The following FHIT variants were observed in gnomAD, a reference collection of about 807,000 sequenced individuals.
FHIT encodes the protein bis(5'-adenosyl)-triphosphatase.
In FHIT, 19 loss-of-function variants were observed where a neutral mutation model predicts 17.9. The observed-to-expected ratio is 1.06, with a 90% CI of 0.74 to 1.56. The LOEUF is 1.56. FHIT is among the 40% of genes most tolerant of loss of function. The probability of loss-of-function intolerance (pLI) is 0.00; values close to 1 mark genes in which losing one functional copy is unlikely to be tolerated. For missense variants in FHIT, 248 were observed against 189.2 expected (o/e 1.31, Z -1.82); for synonymous variants, 81 against 69.7 (o/e 1.16, Z -0.81).
intron 8 of FHIT, among the ~76,000 whole-genome samples, chr3:59,818,097 T>C (rs1231707434): frequency 8.0e-6 from 1 of 125,254 alleles, no homozygotes; most frequent in East Asian, 2.2e-4. Context: ...TAAGAGCTTA[T>C]AGGAATTCTA....
chr3:59,994,623 A>C (rs534318080), intron 7 of FHIT, among the ~76,000 whole-genome samples: 8 of 152,206 alleles, frequency 5.3e-5, no homozygotes, highest in African/African-American at 1.7e-4. Flanking sequence ...CCACACATTC[A>C]AAACAAATCC....
intron 2 of FHIT, among the ~76,000 whole-genome samples, chr3:61,172,714 G>A (rs1357346649): frequency 1.4e-5 from 2 of 139,742 alleles, no homozygotes; most frequent in East Asian, 4.1e-4. Context: ...CTGAGAAGTT[G>A]TGTCTAAAAT....
At chr3:60,310,524 C>G (rs1455257070) in intron 5 of FHIT, among the ~76,000 whole-genome samples, 1 of 151,670 alleles carries the variant, frequency 6.6e-6, no homozygotes, top group South Asian at 2.1e-4. Flanking sequence ...AGGAACAGAC[C>G]AAAAAGGCAC....
At chr3:60,032,564 G>T (rs567655385) in intron 5 of FHIT, among the ~76,000 whole-genome samples, 5 of 152,288 alleles carry the variant, frequency 3.3e-5, no homozygotes, top group South Asian at 4.1e-4. Context: ...TCCTGCTTTG[G>T]ATGAAAGTGT....
At chr3:60,920,615 A>C (rs185657848) in intron 3 of FHIT, among the ~76,000 whole-genome samples, 21 of 152,284 alleles carry the variant, frequency 1.4e-4, no homozygotes, top group Admixed American at 1.1e-3. Flanking sequence ...GAAACCCAAC[A>C]TGCCAAGGAC....
chr3:60,036,273 C>G (rs75835065), intron 5 of FHIT, among the ~76,000 whole-genome samples: 2,224 of 152,264 alleles, frequency 0.015, 27 homozygotes, highest in Non-Finnish European at 0.022. Context: ...TAGATTCCAC[C>G]TCCTCCTAAA....
chr3:60,949,336 T>G (rs1200589839), intron 3 of FHIT, among the ~76,000 whole-genome samples: 1 of 152,170 alleles, frequency 6.6e-6, no homozygotes, highest in Admixed American at 6.5e-5. Context: ...CTTTCAACCT[T>G]GCTATGCCTG....
intron 8 of FHIT, among the ~76,000 whole-genome samples, chr3:59,762,684 C>A (rs1701583039): frequency 6.6e-6 from 1 of 152,178 alleles, no homozygotes; most frequent in Non-Finnish European, 1.5e-5. Context: ...ACTAACACTG[C>A]AAATAGGGAT....
intron 4 of FHIT, among the ~76,000 whole-genome samples, chr3:60,656,846 G>A (rs189342044): frequency 6.6e-6 from 1 of 152,236 alleles, no homozygotes; most frequent in East Asian, 1.9e-4. Context: ...TTTGCACATT[G>A]ACAAAAATAA....
chr3:60,293,491 C>T (rs1053654676), intron 5 of FHIT, among the ~76,000 whole-genome samples: 1 of 152,154 alleles, frequency 6.6e-6, no homozygotes, highest in South Asian at 2.1e-4. Flanking sequence ...TCTCTGCCAG[C>T]AAACAACGTT....
intron 4 of FHIT, among the ~76,000 whole-genome samples, chr3:60,778,175 A>G (rs1274207303): frequency 2.0e-5 from 3 of 152,224 alleles, no homozygotes; most frequent in African/African-American, 7.2e-5. Context: ...ATGTCTGAGT[A>G]TATGCTATCA....
At chr3:60,677,190 C>T (rs191104271) in intron 4 of FHIT, among the ~76,000 whole-genome samples, 7 of 152,118 alleles carry the variant, frequency 4.6e-5, no homozygotes, top group Admixed American at 1.3e-4. Context: ...TTTTTAATTA[C>T]GTAAATTAAA....
At chr3:60,574,124 C>G (rs1391394705) in intron 4 of FHIT, among the ~76,000 whole-genome samples, 6 of 152,110 alleles carry the variant, frequency 3.9e-5, no homozygotes, top group Non-Finnish European at 8.8e-5. Flanking sequence ...TTATGTACTT[C>G]TGACTATTGT....
chr3:59,958,616 G>A (rs975702188), intron 7 of FHIT, among the ~76,000 whole-genome samples: 3 of 152,170 alleles, frequency 2.0e-5, no homozygotes, highest in Non-Finnish European at 4.4e-5. Context: ...CTACCTAGAG[G>A]GTTGTATTAA....
chr3:59,872,025 T>G (rs1702949063), intron 8 of FHIT, among the ~76,000 whole-genome samples: 1 of 152,188 alleles, frequency 6.6e-6, no homozygotes, highest in Admixed American at 6.5e-5. Context: ...TATCTCAGAT[T>G]AAACTCTCCA....
chr3:59,826,422 T>C (rs1028401368), intron 8 of FHIT, among the ~76,000 whole-genome samples: 8 of 152,242 alleles, frequency 5.3e-5, no homozygotes, highest in Admixed American at 5.2e-4. Flanking sequence ...CCTAGCCTAA[T>C]ATATATTGTA....
At chr3:60,331,563 C>T (rs1037445760) in intron 5 of FHIT, among the ~76,000 whole-genome samples, 16 of 152,116 alleles carry the variant, frequency 1.1e-4, no homozygotes, top group African/African-American at 3.1e-4. Flanking sequence ...GAAATATACT[C>T]GGTCCGGGTA....
At chr3:60,781,950 C>T (rs1456888508) in intron 4 of FHIT, among the ~76,000 whole-genome samples, 1 of 152,086 alleles carries the variant, frequency 6.6e-6, no homozygotes, top group African/African-American at 2.4e-5. Context: ...ATAGCCATCA[C>T]CTCAAATACC....
intron 3 of FHIT, among the ~76,000 whole-genome samples, chr3:60,838,779 T>C (rs1196569602): frequency 6.6e-6 from 1 of 151,468 alleles, no homozygotes; most frequent in Non-Finnish European, 1.5e-5. Flanking sequence ...AAAATAAACA[T>C]GTGAAAAATA....
Sources: allele counts gnomAD v4.1 joint callset (sites outside exome capture counted in the v4.1 genomes callset), GRCh38; gene constraint gnomAD v4.1.1; transcripts MANE v1.5; gene names NCBI Gene and HGNC (gene_info 2026-07-23, HGNC 2026-07-21).